Variants in GADL1 observed in about 807,000 individuals in gnomAD.
The protein encoded by GADL1 is GAD like acidic amino acid decarboxylase 1, also known as acidic amino acid decarboxylase GADL1.
GADL1 carries 71 observed loss-of-function variants against 69.5 expected under a neutral mutation model. The observed-to-expected ratio is 1.02, with a 90% confidence interval of 0.84 to 1.25. The LOEUF (loss-of-function observed/expected upper bound fraction) is 1.25, where lower values mean the gene tolerates loss of function less well. Among genes scored for constraint, GADL1 ranks in the 50% most tolerant of loss-of-function variants. The pLI is 0.00. For synonymous variants in GADL1, 254 were observed against 214.4 expected (o/e 1.18, Z -1.62); for missense variants, 737 against 631.8 (o/e 1.17, Z -1.79).
intron 11 of GADL1, among the ~76,000 whole-genome samples, chr3:30,818,379 T>C (rs1460186950): frequency 6.6e-6 from 1 of 152,228 alleles, no homozygotes; most frequent in African/African-American, 2.4e-5. Flanking sequence ...AAAACATTTC[T>C]GATTTGGAGC....
intron 14 of GADL1, 30 bp downstream of exon 14, chr3:30,778,149 A>C: frequency 7.8e-7 from 1 of 1,289,202 alleles, no homozygotes; most frequent in Non-Finnish European, 1.1e-6. Flanking sequence ...ACTTCATCAA[A>C]AAGAAAAATA....
intron 13 of GADL1, among the ~76,000 whole-genome samples, chr3:30,780,955 C>A (rs1696652449): frequency 6.6e-6 from 1 of 152,158 alleles, no homozygotes; most frequent in East Asian, 1.9e-4. Flanking sequence ...TTACATAATT[C>A]TTAAAGAGAC....
Position 30,763,520 on chromosome 3 carries a change from TG to T in GADL1, c.1392+14658del, listed in dbSNP as rs71093936. On this transcript the variant is annotated intron_variant, in intron 14 of 14. Transcript: ENST00000282538. Reference sequence around the variant, plus strand: ...CCGTCTCGGCGGCGGGGGGTGGGGGTGGGGGGGAATATTGTAAGTCAAAACT... The same window carrying T: ...CCGTCTCGGCGGCGGGGGGTGGGGGTGGGGGGAATATTGTAAGTCAAAACT... Among the ~76,000 whole-genome samples, 22 of 84,056 alleles carry T rather than the reference TG, an allele frequency of 2.6e-4. 1 individual carries two copies. Among genetic ancestry groups the T allele is most frequent in the Admixed American group, 1.2e-3 (10 of 8,106 alleles). The allele number at this position is 84,056 out of a possible 152,430, so 55.1% of individuals were successfully genotyped here.
At chr3:30,740,648 C>T (rs998792255) in intron 14 of GADL1, among the ~76,000 whole-genome samples, 1 of 151,970 alleles carries the variant, frequency 6.6e-6, no homozygotes, top group Non-Finnish European at 1.5e-5. Flanking sequence ...TCAACTCCTA[C>T]TTTCTTACTC....
chr3:30,780,882 G>C (rs1575201853), intron 13 of GADL1, among the ~76,000 whole-genome samples: 1 of 152,254 alleles, frequency 6.6e-6, no homozygotes, highest in Non-Finnish European at 1.5e-5. Context: ...AGTTGAAAAA[G>C]TCTTTGAATT....
intron 1 of GADL1, among the ~76,000 whole-genome samples, chr3:30,875,859 T>C (rs576155703): frequency 6.6e-6 from 1 of 152,012 alleles, no homozygotes; most frequent in African/African-American, 2.4e-5. Context: ...GCTTGGTTAT[T>C]GATCCTAGAG....
chr3:30,811,801 T>G (rs1026273897), intron 11 of GADL1, among the ~76,000 whole-genome samples: 1 of 106,748 alleles, frequency 9.4e-6, no homozygotes, highest in Non-Finnish European at 2.2e-5. Context: ...AATCATATGG[T>G]TTTTTTTCCC....
intron 14 of GADL1, among the ~76,000 whole-genome samples, chr3:30,772,503 A>G (rs1268066718): frequency 6.6e-6 from 1 of 152,164 alleles, no homozygotes; most frequent in Non-Finnish European, 1.5e-5. Flanking sequence ...CAACTTTCTC[A>G]TCCTCAATAT....
At chr3:30,832,737 T>C (rs1251166991) in intron 11 of GADL1, among the ~76,000 whole-genome samples, 1 of 152,074 alleles carries the variant, frequency 6.6e-6, no homozygotes, top group African/African-American at 2.4e-5. Context: ...AATATGGTAA[T>C]CTTAAACTAC....
At chr3:30,836,481 T>C (rs1697876432) in intron 9 of GADL1, among the ~76,000 whole-genome samples, 1 of 152,060 alleles carries the variant, frequency 6.6e-6, no homozygotes, top group Non-Finnish European at 1.5e-5. Flanking sequence ...TGTGAAATTA[T>C]CAAACCTATC....
chr3:30,859,881 C>T (rs374950296), intron 2 of GADL1, among the ~76,000 whole-genome samples: 1 of 152,050 alleles, frequency 6.6e-6, no homozygotes, highest in African/African-American at 2.4e-5. Flanking sequence ...GCCTGCACAT[C>T]TATTACATTG....
chr3:30,753,982 A>G (rs1695900582), intron 14 of GADL1, among the ~76,000 whole-genome samples: 1 of 152,174 alleles, frequency 6.6e-6, no homozygotes, highest in Non-Finnish European at 1.5e-5. Flanking sequence ...ATGGCCACCT[A>G]CGGATTTTCC....
intron 14 of GADL1, among the ~76,000 whole-genome samples, chr3:30,728,687 G>A (rs1309018884): frequency 6.6e-6 from 1 of 152,088 alleles, no homozygotes; most frequent in Non-Finnish European, 1.5e-5. Flanking sequence ...GGTACATGGC[G>A]AGTAAATCAG....
At chr3:30,808,568 C>T (rs753207260) in intron 11 of GADL1, among the ~76,000 whole-genome samples, 5 of 151,654 alleles carry the variant, frequency 3.3e-5, no homozygotes, top group Non-Finnish European at 7.4e-5. Flanking sequence ...CAATACAAAG[C>T]GTCTGTGTAA....
At chr3:30,818,198 C>T (rs921835826) in intron 11 of GADL1, among the ~76,000 whole-genome samples, 2 of 152,164 alleles carry the variant, frequency 1.3e-5, no homozygotes, top group Non-Finnish European at 1.5e-5. Flanking sequence ...GTGGAATTAA[C>T]ACTGAGAGAT....
intron 14 of GADL1, among the ~76,000 whole-genome samples, chr3:30,752,720 GCT>G (rs942362844): frequency 2.0e-5 from 3 of 152,320 alleles, no homozygotes; most frequent in Non-Finnish European, 4.4e-5. Flanking sequence ...ACTTCCCCCA[GCT>G]CTTAGTTCCT....
At chr3:30,873,610 A>C (rs1206716344) in intron 1 of GADL1, among the ~76,000 whole-genome samples, 1 of 152,030 alleles carries the variant, frequency 6.6e-6, no homozygotes, top group Non-Finnish European at 1.5e-5. Context: ...ATTAAATTGC[A>C]ATGTGTTACA....
chr3:30,788,536 TG>T (rs1412702037), intron 12 of GADL1, among the ~76,000 whole-genome samples: 1 of 152,188 alleles, frequency 6.6e-6, no homozygotes, highest in Admixed American at 6.6e-5. Flanking sequence ...TCGGGGTGGC[TG>T]GGACAATTTC....
chr3:30,752,992 A>G (rs1265921019), intron 14 of GADL1, among the ~76,000 whole-genome samples: 1 of 152,188 alleles, frequency 6.6e-6, no homozygotes, highest in Non-Finnish European at 1.5e-5. Flanking sequence ...CAGTATTTAA[A>G]TATTAAATTT....
Sources: allele counts gnomAD v4.1 joint callset (sites outside exome capture counted in the v4.1 genomes callset), GRCh38; gene constraint gnomAD v4.1.1; transcripts MANE v1.5; gene names NCBI Gene and HGNC (gene_info 2026-07-23, HGNC 2026-07-21).